Variants in CAST observed in about 807,000 individuals in gnomAD.
CAST encodes the protein calpastatin, also known as MIR583 host.
A neutral mutation model predicts 119.6 loss-of-function variants in CAST; 76 were observed. That is an observed-to-expected ratio of 0.64 (90% CI 0.53 to 0.77). The LOEUF (loss-of-function observed/expected upper bound fraction) is 0.77. CAST is among the 30% of genes least tolerant of loss of function. CAST has a pLI of 0.00. For missense variants in CAST, 953 were observed against 946.5 expected (o/e 1.01, Z -0.09); for synonymous variants, 319 against 331.6 (o/e 0.96, Z 0.41).
chr5:96,397,223 T>G, the CAST span: 1 of 892,806 alleles, frequency 1.1e-6, no homozygotes, highest in East Asian at 2.6e-5. Context: ...TTACTTCTAC[T>G]AAGAAGGGGT....
chr5:96,762,576 A>C (rs1183229798), intron 25 of CAST: 3 of 477,070 alleles, frequency 6.3e-6, no homozygotes, highest in African/African-American at 6.0e-5. Flanking sequence ...TATATATGTG[A>C]AAACATTGTA....
chr5:96,315,321 T>C, the CAST span, among the ~76,000 whole-genome samples: 1 of 152,202 alleles, frequency 6.6e-6, no homozygotes, highest in Admixed American at 6.5e-5. Flanking sequence ...CCTTCTTTTA[T>C]ATGACAACCG....
upstream of CAST, among the ~76,000 whole-genome samples, chr5:96,521,967 T>A (rs1745524978): frequency 6.6e-6 from 1 of 152,052 alleles, no homozygotes; most frequent in Non-Finnish European, 1.5e-5. Flanking sequence ...TACAAAAAAA[T>A]TAGCCAGGCG....
At chr5:96,418,787 T>C in the CAST span, among the ~76,000 whole-genome samples, 84 of 152,304 alleles carry the variant, frequency 5.5e-4, no homozygotes, top group Admixed American at 4.1e-3. Context: ...ACCTTTTTGG[T>C]TGATAGTCAA....
the CAST span, among the ~76,000 whole-genome samples, chr5:96,311,557 T>A: frequency 9.1e-4 from 138 of 152,166 alleles, no homozygotes; most frequent in Middle Eastern, 3.4e-3. Context: ...TAATATTTGT[T>A]TTATATATTT....
At chr5:96,695,413 G>A (rs1753165077) in intron 2 of CAST, among the ~76,000 whole-genome samples, 2 of 151,984 alleles carry the variant, frequency 1.3e-5, no homozygotes, top group Non-Finnish European at 2.9e-5. Flanking sequence ...TATCTTTGTA[G>A]AAAAATACTT....
At chr5:96,004,832 C>G in the CAST span, among the ~76,000 whole-genome samples, 1 of 151,966 alleles carries the variant, frequency 6.6e-6, no homozygotes, top group African/African-American at 2.4e-5. Flanking sequence ...TTGAAAGTAC[C>G]CACTGATTGC....
chr5:96,483,386 A>G, the CAST span, among the ~76,000 whole-genome samples: 2 of 152,192 alleles, frequency 1.3e-5, no homozygotes, highest in African/African-American at 4.8e-5. Context: ...TTCCATGCCT[A>G]ACACTGCACT....
chr5:96,592,759 ATTTTCTTTTTTT>A (rs1746986066), intron 1 of CAST, among the ~76,000 whole-genome samples: 1 of 129,588 alleles, frequency 7.7e-6, no homozygotes, highest in South Asian at 2.7e-4. Flanking sequence ...TTTCTGTTTT[ATTTTCTTTTTTT>A]TTTTCTTTTT....
chr5:96,408,119 A>G, the CAST span: 3 of 782,386 alleles, frequency 3.8e-6, no homozygotes, highest in East Asian at 8.0e-5. Context: ...TATTTGCAGT[A>G]TTCCAAAATT....
the CAST span, among the ~76,000 whole-genome samples, chr5:95,975,225 G>A: frequency 6.6e-6 from 1 of 152,206 alleles, no homozygotes; most frequent in Non-Finnish European, 1.5e-5. Context: ...GGTAGTGCTA[G>A]CAGTGCAACA....
the CAST span, among the ~76,000 whole-genome samples, chr5:96,424,969 AAAAG>A: frequency 6.7e-6 from 1 of 149,052 alleles, no homozygotes; most frequent in South Asian, 2.1e-4. Flanking sequence ...GTCAAAAAAA[AAAAG>A]AAAGATAGAA....
the CAST span, among the ~76,000 whole-genome samples, chr5:96,030,679 C>A: frequency 1.3e-5 from 2 of 152,154 alleles, no homozygotes; most frequent in African/African-American, 4.8e-5. Context: ...CACCTCTTCT[C>A]CACACCTATT....
At chr5:96,338,006 C>A in the CAST span, among the ~76,000 whole-genome samples, 1 of 152,126 alleles carries the variant, frequency 6.6e-6, no homozygotes, top group Non-Finnish European at 1.5e-5. Context: ...CTCTATCCAG[C>A]ATTCCTTGCT....
chr5:96,535,271 T>G (rs1452577022), intron 1 of CAST, among the ~76,000 whole-genome samples: 1 of 152,172 alleles, frequency 6.6e-6, no homozygotes, highest in Non-Finnish European at 1.5e-5. Flanking sequence ...TTGCTAAATA[T>G]TGTAAGGAAA....
intron 22 of CAST, among the ~76,000 whole-genome samples, chr5:96,756,090 A>G (rs994323739): frequency 1.3e-5 from 2 of 152,156 alleles, no homozygotes; most frequent in African/African-American, 2.4e-5. Flanking sequence ...TTAGTTACCT[A>G]TTAATAACAT....
chr5:96,343,228 A>C, the CAST span, among the ~76,000 whole-genome samples: 8 of 152,186 alleles, frequency 5.3e-5, no homozygotes, highest in African/African-American at 1.7e-4. Context: ...ACAAGATAAA[A>C]ATTTAAAGAC....
the CAST span, among the ~76,000 whole-genome samples, chr5:95,997,339 A>C: frequency 6.6e-6 from 1 of 152,118 alleles, no homozygotes; most frequent in Non-Finnish European, 1.5e-5. Flanking sequence ...TCTCTGTGAC[A>C]CTATCTCTGG....
intron 3 of CAST, among the ~76,000 whole-genome samples, chr5:96,707,430 G>A (rs565980939): frequency 1.2e-4 from 18 of 150,464 alleles, no homozygotes; most frequent in Non-Finnish European, 2.2e-4. Context: ...TCTGTTTCCC[G>A]GGCTGGAGTG....
Sources: gnomAD v4.1 joint callset for allele counts (sites outside exome capture counted in the v4.1 genomes callset) on GRCh38, gnomAD v4.1.1 for gene constraint, MANE v1.5 for transcripts, NCBI Gene and HGNC (gene_info 2026-07-23, HGNC 2026-07-21) for gene names.